NCAM2: variants seen among roughly 807,000 people sequenced by gnomAD.
NCAM2 encodes neural cell adhesion molecule 2.
In NCAM2, 30 loss-of-function variants were observed where a neutral mutation model predicts 98.1. The observed-to-expected ratio is 0.31, with a 90% CI of 0.23 to 0.41. The LOEUF is 0.41. Ranked by LOEUF, NCAM2 falls within the 10% of genes least tolerant of loss-of-function variation. NCAM2 has a pLI of 1.00. For synonymous variants in NCAM2, 368 were observed against 342.4 expected, an observed-to-expected ratio of 1.07 and a Z score of -0.83; for missense variants, 867 against 1,005.8, an observed-to-expected ratio of 0.86 and a Z score of 1.87.
At chr21:21,220,464 G>T (rs1357870513) in intron 1 of NCAM2, among the ~76,000 whole-genome samples, 2 of 152,072 alleles carry the variant, frequency 1.3e-5, no homozygotes, top group African/African-American at 4.8e-5. Flanking sequence ...GCCTAGGTTT[G>T]TAGTACACTA....
intron 1 of NCAM2, among the ~76,000 whole-genome samples, chr21:21,022,978 A>G (rs2064467251): frequency 6.6e-6 from 1 of 152,190 alleles, no homozygotes; most frequent in African/African-American, 2.4e-5. Context: ...TTACTTTAAA[A>G]TGAGTTAATA....
intron 7 of NCAM2, 30 bp from the exon 8 acceptor site, chr21:21,338,359 C>A: frequency 1.3e-6 from 2 of 1,587,874 alleles, no homozygotes; most frequent in Non-Finnish European, 1.7e-6. Context: ...TCCTCCAATA[C>A]CGGTTGAGTA....
chr21:21,254,125 T>C (rs146786141), intron 1 of NCAM2, among the ~76,000 whole-genome samples: 44 of 152,356 alleles, frequency 2.9e-4, no homozygotes, highest in Non-Finnish European at 4.6e-4. Context: ...ATATTCATTT[T>C]ATTTAGTTTC....
chr21:21,452,083 A>G (rs1602382669), intron 12 of NCAM2, among the ~76,000 whole-genome samples: 1 of 151,440 alleles, frequency 6.6e-6, no homozygotes, highest in East Asian at 1.9e-4. Flanking sequence ...TCGTTTTAGG[A>G]TATAGTTTAT....
intron 1 of NCAM2, among the ~76,000 whole-genome samples, chr21:21,266,274 A>G (rs1015965157): frequency 6.6e-6 from 1 of 152,096 alleles, no homozygotes; most frequent in African/African-American, 2.4e-5. Flanking sequence ...AACTAATTCA[A>G]CTACTGTATT....
rs75665678 is a variant in NCAM2 at position 21,353,264 on chromosome 21, A to G, written c.1044+14730A>G. On this transcript the variant is annotated intron_variant, in intron 8 of 17. Transcript: ENST00000400546. The stretch of plus-strand genomic sequence containing the variant: ...AGTCCTATGTACTTTATGATGGAAT[A>G]CCATCTAAAAAATGACTGAGTCTTC... Among the ~76,000 whole-genome samples the G allele has an allele frequency of 5.8e-4, 89 of 152,328 alleles. 1 individual carries two copies. The East Asian group carries it at 0.016, about 27-fold the overall frequency.
At chr21:21,265,134 C>A (rs1339949307) in intron 1 of NCAM2, among the ~76,000 whole-genome samples, 2 of 111,452 alleles carry the variant, frequency 1.8e-5, no homozygotes, top group African/African-American at 3.5e-5. Context: ...ATTATATATA[C>A]ATATATAATA....
At chr21:21,261,379 C>T (rs2071893273) in intron 1 of NCAM2, among the ~76,000 whole-genome samples, 1 of 152,142 alleles carries the variant, frequency 6.6e-6, no homozygotes, top group Admixed American at 6.6e-5. Flanking sequence ...TACCCAACAG[C>T]TGGAAAATGC....
chr21:21,265,125 T>TGTATGTATACATACA lies in NCAM2; in HGVS notation c.56-15453_56-15452insGTATGTATACATACA, dbSNP rs1568855954. 1.0e-2 allele frequency among the ~76,000 whole-genome samples: 98 copies of TGTATGTATACATACA among 9,806 alleles called. 1 individual carries two copies. The highest frequency in any genetic ancestry group is 0.024 in the African/African-American group (94 of 3,966). 6.4% of individuals were successfully genotyped at this position (9,806 alleles called of 152,430 possible). ...TATATAATATATATACATACATATA[T>TGTATGTATACATACA]TATATATACATATATAATATATATA... On this transcript the variant is annotated intron_variant, in intron 1 of 17. Transcript: ENST00000400546.
chr21:21,254,315 T>A (rs2071581638), intron 1 of NCAM2, among the ~76,000 whole-genome samples: 1 of 152,210 alleles, frequency 6.6e-6, no homozygotes, highest in Non-Finnish European at 1.5e-5. Flanking sequence ...GTTACACAGC[T>A]ATTAAGTCGC....
chr21:21,482,328 T>C (rs1418288151), intron 15 of NCAM2, among the ~76,000 whole-genome samples: 1 of 152,136 alleles, frequency 6.6e-6, no homozygotes, highest in Non-Finnish European at 1.5e-5. Flanking sequence ...GATCATATAA[T>C]TTTATAACAT....
chr21:21,383,252 C>G (rs1043053585), intron 9 of NCAM2, among the ~76,000 whole-genome samples: 3 of 152,166 alleles, frequency 2.0e-5, no homozygotes, highest in African/African-American at 7.2e-5. Flanking sequence ...ACTCAAACCT[C>G]AAGTGATTTC....
At chr21:21,265,496 A>T (rs890190374) in intron 1 of NCAM2, among the ~76,000 whole-genome samples, 50 of 142,186 alleles carry the variant, frequency 3.5e-4, no homozygotes, top group East Asian at 4.1e-4. Flanking sequence ...ACACATATAT[A>T]ATATATGTGT....
intron 1 of NCAM2, among the ~76,000 whole-genome samples, chr21:21,121,747 T>C (rs879259775): frequency 3.9e-5 from 6 of 152,236 alleles, no homozygotes; most frequent in Admixed American, 1.3e-4. Context: ...AAAGGCTATA[T>C]ATAGGCTGAG....
intron 10 of NCAM2, among the ~76,000 whole-genome samples, chr21:21,416,205 A>T (rs1362572935): frequency 6.6e-6 from 1 of 152,168 alleles, no homozygotes; most frequent in African/African-American, 2.4e-5. Context: ...AGGAAGCCAA[A>T]GAGGGAGAGA....
At chr21:21,188,446 A>AT (rs997633754) in intron 1 of NCAM2, among the ~76,000 whole-genome samples, 27 of 152,318 alleles carry the variant, frequency 1.8e-4, no homozygotes, top group African/African-American at 6.5e-4. Context: ...AGTAATATTT[A>AT]TTATAAAAGA....
At position 20,998,495 on chromosome 21, in the gene NCAM2, G is replaced by A; in HGVS notation, c.-69G>A. ...GGCTCTAGCAGAGGCGGCCGGGGCA[G>A]CGAAAGGTTCTCTCTCCAGGGCTGG... On this transcript the variant is annotated 5_prime_UTR_variant, in exon 1 of 18. Coordinates refer to ENST00000400546, the MANE Select transcript of NCAM2 (RefSeq NM_004540.5). 2.6e-6 allele frequency: 4 copies of A among 1,520,788 alleles called. No individual in the cohort carries two copies. The highest frequency in any genetic ancestry group is 3.6e-6 in the Non-Finnish European group (4 of 1,110,856). 94.2% of individuals were successfully genotyped at this position (1,520,788 alleles called of 1,614,324 possible).
chr21:21,139,821 ATTAT>A (rs1039279797), intron 1 of NCAM2, among the ~76,000 whole-genome samples: 3 of 152,090 alleles, frequency 2.0e-5, no homozygotes, highest in Non-Finnish European at 4.4e-5. Context: ...ACTTAATACC[ATTAT>A]TTATTAAACT....
intron 1 of NCAM2, among the ~76,000 whole-genome samples, chr21:21,048,800 T>G (rs2065047820): frequency 1.3e-5 from 2 of 152,168 alleles, no homozygotes. Context: ...TGGCTCAGAA[T>G]AAATCTCTAA....
Sources: allele counts gnomAD v4.1 joint callset (sites outside exome capture counted in the v4.1 genomes callset), GRCh38; gene constraint gnomAD v4.1.1; transcripts MANE v1.5; gene names NCBI Gene and HGNC (gene_info 2026-07-23, HGNC 2026-07-21).